BMPR1B: variants seen among roughly 807,000 people sequenced by gnomAD.
BMPR1B encodes the protein bone morphogenetic protein receptor type-1B.
BMPR1B carries 12 observed loss-of-function variants against 59.1 expected under a neutral mutation model. The observed-to-expected ratio is 0.20, with a 90% CI of 0.13 to 0.33. The LOEUF (loss-of-function observed/expected upper bound fraction) is 0.33. Among genes scored for constraint, BMPR1B ranks in the 10% least tolerant of loss-of-function variants. The pLI is 1.00. For synonymous variants in BMPR1B, 237 were observed against 207.3 expected (o/e 1.14, Z -1.23); for missense variants, 550 against 610.9 (o/e 0.90, Z 1.05).
intron 2 of BMPR1B, among the ~76,000 whole-genome samples, chr4:94,938,318 A>G (rs1373172962): frequency 6.6e-6 from 1 of 152,102 alleles, no homozygotes; most frequent in Non-Finnish European, 1.5e-5. Context: ...AGTATGGTGA[A>G]GCCCTGTCTC....
chr4:94,972,425 A>G (rs1459387145), intron 2 of BMPR1B, among the ~76,000 whole-genome samples: 1 of 152,170 alleles, frequency 6.6e-6, no homozygotes, highest in African/African-American at 2.4e-5. Context: ...ATACAACCAC[A>G]GATAACATTT....
At chr4:94,993,542 C>G (rs1479052077) in intron 2 of BMPR1B, among the ~76,000 whole-genome samples, 3 of 151,618 alleles carry the variant, frequency 2.0e-5, no homozygotes, top group Non-Finnish European at 4.4e-5. Context: ...AGCAGATTAC[C>G]TAAAGTCAGG....
intron 1 of BMPR1B, among the ~76,000 whole-genome samples, chr4:94,865,437 C>G (rs1726182174): frequency 6.6e-6 from 1 of 151,526 alleles, no homozygotes; most frequent in Non-Finnish European, 1.5e-5. Flanking sequence ...GTCACCCGGG[C>G]TGGAGTACAG....
chr4:94,863,416 C>T (rs1022199521), intron 1 of BMPR1B, among the ~76,000 whole-genome samples: 11 of 152,128 alleles, frequency 7.2e-5, no homozygotes, highest in African/African-American at 2.4e-4. Flanking sequence ...GTATATCAGT[C>T]GAGGGTAGTC....
chr4:94,995,576 A>T (rs1221855010), intron 2 of BMPR1B, among the ~76,000 whole-genome samples: 2 of 152,198 alleles, frequency 1.3e-5, no homozygotes, highest in Non-Finnish European at 2.9e-5. Context: ...TGTTTGGCCG[A>T]AACAAAGGCA....
At chr4:94,780,768 A>C (rs1423029519) in intron 1 of BMPR1B, among the ~76,000 whole-genome samples, 1 of 145,086 alleles carries the variant, frequency 6.9e-6, no homozygotes, top group Admixed American at 7.3e-5. Flanking sequence ...AGCTCACTGC[A>C]AGCTCCGCCT....
chr4:95,116,845 T>G (rs969416150), intron 6 of BMPR1B, among the ~76,000 whole-genome samples: 2 of 152,134 alleles, frequency 1.3e-5, no homozygotes, highest in Non-Finnish European at 2.9e-5. Flanking sequence ...CAAGATTGAT[T>G]AATAATGATT....
intron 2 of BMPR1B, among the ~76,000 whole-genome samples, chr4:94,995,518 A>G (rs1722002305): frequency 6.6e-6 from 1 of 152,164 alleles, no homozygotes; most frequent in Non-Finnish European, 1.5e-5. Flanking sequence ...ATAAAGCTTG[A>G]TTGACTGACA....
At chr4:94,793,490 G>C (rs1578650087) in intron 1 of BMPR1B, among the ~76,000 whole-genome samples, 1 of 150,654 alleles carries the variant, frequency 6.6e-6, no homozygotes, top group South Asian at 2.1e-4. Flanking sequence ...GGGTGCATGT[G>C]TCTTTATAGC....
rs140410543 is a variant in BMPR1B, at chr4:94,897,271, C to T, written c.-113+21371C>T. Among the ~76,000 whole-genome samples, 294 of 152,158 alleles carry T rather than the reference C, an allele frequency of 1.9e-3. 1 individual carries two copies. Among genetic ancestry groups the T allele is most frequent in the African/African-American group, 6.5e-3 (270 of 41,538 alleles). ...GGATGACCCTGCGTGGACTCCGAAA[C>T]CTTTTGTGCCTTGGGTGCTCCCAAT... On this transcript the variant is annotated intron_variant, in intron 2 of 12. Coordinates refer to ENST00000515059, the MANE Select transcript of BMPR1B (RefSeq NM_001203.3).
chr4:95,099,738 C>T (rs757987628), intron 3 of BMPR1B, among the ~76,000 whole-genome samples: 23 of 152,274 alleles, frequency 1.5e-4, no homozygotes, highest in Non-Finnish European at 2.8e-4. Flanking sequence ...TACCTCTTTT[C>T]GTTGTTTTGG....
At chr4:94,766,372 T>C (rs1721967697) in intron 1 of BMPR1B, among the ~76,000 whole-genome samples, 1 of 151,450 alleles carries the variant, frequency 6.6e-6, no homozygotes, top group African/African-American at 2.4e-5. Context: ...CCTACAATTA[T>C]CTCACCCATC....
At chr4:94,984,750 C>G (rs1175212321) in intron 2 of BMPR1B, among the ~76,000 whole-genome samples, 3 of 152,172 alleles carry the variant, frequency 2.0e-5, no homozygotes, top group African/African-American at 7.2e-5. Flanking sequence ...ACAGTATTGT[C>G]ATAGCTTTGC....
intron 1 of BMPR1B, among the ~76,000 whole-genome samples, chr4:94,836,874 G>C (rs1232214097): frequency 6.7e-6 from 1 of 150,018 alleles, no homozygotes; most frequent in African/African-American, 2.5e-5. Context: ...TTTTCTTCTA[G>C]GGTTTTTATG....
At chr4:94,935,722 G>A (rs60017378) in intron 2 of BMPR1B, among the ~76,000 whole-genome samples, 18,156 of 152,140 alleles carry the variant, frequency 0.12, 1,173 homozygotes, top group African/African-American at 0.15. Context: ...ATTTCATTCA[G>A]TTATTGCCAG....
rs374815152 is a variant in BMPR1B at position 94,793,166 on chromosome 4, C to G, written c.-183+35098C>G. The stretch of plus-strand genomic sequence containing the variant: ...ATATCTCCCAATGCTATCCCTCCCC[C>G]CTTCCCCCACCCCACAACAGTCCTC... On this transcript the variant is annotated intron_variant, in intron 1 of 12. Coordinates refer to ENST00000515059, the MANE Select transcript of BMPR1B (RefSeq NM_001203.3). 4.0e-3 allele frequency among the ~76,000 whole-genome samples: 607 copies of G among 152,184 alleles called. 3 individuals carry two copies. The highest frequency in any genetic ancestry group is 0.012 in the African/African-American group (518 of 41,518).
At chr4:94,887,607 C>A (rs919262955) in intron 2 of BMPR1B, among the ~76,000 whole-genome samples, 4 of 151,390 alleles carry the variant, frequency 2.6e-5, no homozygotes, top group African/African-American at 9.7e-5. Context: ...AAAATTATCT[C>A]AAAAATGAAG....
intron 1 of BMPR1B, among the ~76,000 whole-genome samples, chr4:94,810,361 A>T (rs755880154): frequency 6.6e-6 from 1 of 152,232 alleles, no homozygotes; most frequent in Non-Finnish European, 1.5e-5. Context: ...ATAAATATGT[A>T]TGTAACCACA....
intron 6 of BMPR1B, among the ~76,000 whole-genome samples, chr4:95,120,993 A>AGACGG (rs547674907): frequency 7.7e-4 from 117 of 152,154 alleles, no homozygotes; most frequent in African/African-American, 1.8e-3. Flanking sequence ...ATTTTTGTAG[A>AGACGG]GACGGGGTTT....
Sources: allele counts gnomAD v4.1 joint callset (sites outside exome capture counted in the v4.1 genomes callset), GRCh38; gene constraint gnomAD v4.1.1; transcripts MANE v1.5; gene names NCBI Gene and HGNC (gene_info 2026-07-23, HGNC 2026-07-21).